THSD7B: variants seen among roughly 807,000 people sequenced by gnomAD.
THSD7B encodes thrombospondin type-1 domain-containing protein 7B.
THSD7B carries 138 observed loss-of-function variants against 213.6 expected under a neutral mutation model. The ratio of observed to expected loss-of-function variants is 0.65; its 90% CI spans 0.56 to 0.74. The LOEUF (loss-of-function observed/expected upper bound fraction) is 0.74, where lower values mean the gene tolerates loss of function less well. THSD7B is among the 30% of genes least tolerant of loss of function. The pLI is 0.00. For synonymous variants in THSD7B, 742 were observed against 687.0 expected, an observed-to-expected ratio of 1.08 and a Z score of -1.25; for missense variants, 1,931 against 1,991.5, an observed-to-expected ratio of 0.97 and a Z score of 0.58.
At chr2:136,881,877 G>C (rs1195249364) in intron 1 of THSD7B, among the ~76,000 whole-genome samples, 1 of 151,978 alleles carries the variant, frequency 6.6e-6, no homozygotes, top group African/African-American at 2.4e-5. Flanking sequence ...AAAATAAAAA[G>C]CAATTGGGGA....
intron 2 of THSD7B, among the ~76,000 whole-genome samples, chr2:136,926,537 A>G (rs1405441917): frequency 6.6e-6 from 1 of 152,008 alleles, no homozygotes; most frequent in Non-Finnish European, 1.5e-5. Flanking sequence ...TACAAAAAAT[A>G]CAAAAAATTA....
intron 15 of THSD7B, among the ~76,000 whole-genome samples, chr2:137,540,333 T>C (rs373334126): frequency 1.3e-5 from 2 of 151,812 alleles, no homozygotes; most frequent in African/African-American, 4.8e-5. Flanking sequence ...ATTCTGGAAG[T>C]AAATCAAGGG....
chr2:137,292,475 G>T (rs1683358312), intron 12 of THSD7B, among the ~76,000 whole-genome samples: 1 of 152,062 alleles, frequency 6.6e-6, no homozygotes, highest in South Asian at 2.1e-4. Flanking sequence ...GCCCTTGGAA[G>T]CCTAGGTTTT....
At chr2:136,807,236 A>G (rs1314404674) in intron 1 of THSD7B, among the ~76,000 whole-genome samples, 1 of 152,142 alleles carries the variant, frequency 6.6e-6, no homozygotes, top group Non-Finnish European at 1.5e-5. Flanking sequence ...GAGGAGAGGA[A>G]TATTTATGTA....
chr2:137,667,617 T>C (rs533202799), intron 26 of THSD7B, among the ~76,000 whole-genome samples, 157 bp from the exon 27 acceptor site: 2 of 152,354 alleles, frequency 1.3e-5, no homozygotes, highest in African/African-American at 4.8e-5. Context: ...AGAGCATTGC[T>C]AACTTCTGCA....
At chr2:137,116,885 G>A (rs1032652399) in intron 5 of THSD7B, among the ~76,000 whole-genome samples, 6 of 152,168 alleles carry the variant, frequency 3.9e-5, no homozygotes, top group Non-Finnish European at 7.3e-5. Flanking sequence ...AGCATCTAAA[G>A]AGGAGGAAAA....
intron 22 of THSD7B, among the ~76,000 whole-genome samples, chr2:137,655,983 C>T (rs900433710): frequency 1.3e-5 from 2 of 152,074 alleles, no homozygotes; most frequent in East Asian, 1.9e-4. Flanking sequence ...ATGTTAATTC[C>T]GTATCCAACA....
chr2:137,124,620 T>C (rs1688601984), intron 5 of THSD7B, among the ~76,000 whole-genome samples: 1 of 152,196 alleles, frequency 6.6e-6, no homozygotes, highest in African/African-American at 2.4e-5. Context: ...GCCAGTGAAC[T>C]AGGATGCTAG....
intron 12 of THSD7B, among the ~76,000 whole-genome samples, chr2:137,361,564 G>A (rs1314609385): frequency 2.6e-5 from 4 of 152,108 alleles, no homozygotes; most frequent in East Asian, 1.9e-4. Flanking sequence ...GAAAACCGTG[G>A]CACGAGAACT....
At chr2:137,077,669 G>A (rs1160681040) in intron 3 of THSD7B, among the ~76,000 whole-genome samples, 1 of 151,810 alleles carries the variant, frequency 6.6e-6, no homozygotes, top group African/African-American at 2.4e-5. Context: ...TTTTGATGGG[G>A]TTGTTTGTTT....
At chr2:137,366,475 T>C (rs1685410683) in intron 12 of THSD7B, among the ~76,000 whole-genome samples, 1 of 152,126 alleles carries the variant, frequency 6.6e-6, no homozygotes, top group South Asian at 2.1e-4. Context: ...TATTCAGACT[T>C]TTGGGAAGGA....
intron 20 of THSD7B, among the ~76,000 whole-genome samples, chr2:137,626,555 C>G (rs1445521519): frequency 6.6e-6 from 1 of 151,982 alleles, no homozygotes; most frequent in Non-Finnish European, 1.5e-5. Context: ...CTCTTTTAGC[C>G]ATGCTACTCT....
chr2:137,459,911 C>T (rs1321749900), intron 15 of THSD7B, among the ~76,000 whole-genome samples: 1 of 152,038 alleles, frequency 6.6e-6, no homozygotes, highest in East Asian at 1.9e-4. Flanking sequence ...TTTATTTTTG[C>T]TGGTTCTTCT....
chr2:136,825,718 A>ATTTTTTTTTTTGTTGTTTTTTT (rs1682635243), intron 1 of THSD7B, among the ~76,000 whole-genome samples: 2 of 116,896 alleles, frequency 1.7e-5, no homozygotes, highest in Non-Finnish European at 3.4e-5. Flanking sequence ...TGCCTGGCTA[A>ATTTTTTTTTTTGTTGTTTTTTT]TTTTTTTTTT....
intron 14 of THSD7B, among the ~76,000 whole-genome samples, chr2:137,444,543 T>C (rs74875684): frequency 0.022 from 3,335 of 151,968 alleles, 91 homozygotes; most frequent in South Asian, 0.072. Flanking sequence ...AGTACTAAAA[T>C]ATATAAGCTA....
intron 1 of THSD7B, among the ~76,000 whole-genome samples, chr2:136,852,100 T>A (rs1057302182): frequency 3.3e-5 from 5 of 152,038 alleles, no homozygotes; most frequent in Non-Finnish European, 7.4e-5. Flanking sequence ...GGGCCCAATC[T>A]AATCAGATGA....
intron 2 of THSD7B, among the ~76,000 whole-genome samples, chr2:136,972,435 T>G (rs929379561): frequency 6.6e-6 from 1 of 152,216 alleles, no homozygotes; most frequent in Non-Finnish European, 1.5e-5. Flanking sequence ...ATATGGTCTT[T>G]TAATGTTATT....
At chr2:137,611,711 T>TATC (rs140380195) in intron 17 of THSD7B, among the ~76,000 whole-genome samples, 2,988 of 152,298 alleles carry the variant, frequency 0.02, 44 homozygotes, top group Middle Eastern at 0.071. Context: ...CCTGCCACCT[T>TATC]ATCTTCCAAC....
chr2:137,188,256 C>A (rs1206773129), intron 7 of THSD7B, among the ~76,000 whole-genome samples: 2 of 152,158 alleles, frequency 1.3e-5, no homozygotes, highest in Admixed American at 1.3e-4. Context: ...AATCACCTTG[C>A]AGCCTGCCAA....
Sources: gnomAD v4.1 joint callset for allele counts (sites outside exome capture counted in the v4.1 genomes callset) on GRCh38, gnomAD v4.1.1 for gene constraint, MANE v1.5 for transcripts, NCBI Gene and HGNC (gene_info 2026-07-23, HGNC 2026-07-21) for gene names.